The following NRP1 variants were observed in gnomAD, a reference collection of about 807,000 sequenced individuals.
The protein encoded by NRP1 is neuropilin-1.
In NRP1, 35 loss-of-function variants were observed where a neutral mutation model predicts 106.7. The ratio of observed to expected loss-of-function variants is 0.33; its 90% CI spans 0.25 to 0.43. The LOEUF (loss-of-function observed/expected upper bound fraction) is 0.43. Ranked by LOEUF, NRP1 falls within the 20% of genes least tolerant of loss-of-function variation. The pLI, the probability that NRP1 is intolerant of heterozygous loss-of-function variation, is 1.00. For synonymous variants in NRP1, 437 were observed against 417.9 expected, an observed-to-expected ratio of 1.05 and a Z score of -0.56; for missense variants, 1,024 against 1,170.4, an observed-to-expected ratio of 0.87 and a Z score of 1.83.
chr10:33,254,237 A>T (rs1334686101), intron 5 of NRP1, 43 bp from the exon 6 acceptor site: 2 of 1,518,828 alleles, frequency 1.3e-6, no homozygotes, highest in East Asian at 4.6e-5. Flanking sequence ...AATATAGGGG[A>T]TTTAAGATGC....
intron 16 of NRP1, among the ~76,000 whole-genome samples, chr10:33,181,137 T>C (rs1293835487): frequency 1.3e-5 from 2 of 152,206 alleles, no homozygotes; most frequent in Non-Finnish European, 2.9e-5. Flanking sequence ...ATTGTTAACA[T>C]GGGAGCTTTG....
At chr10:33,188,734 G>A (rs571569549) in intron 13 of NRP1, among the ~76,000 whole-genome samples, 41 of 151,216 alleles carry the variant, frequency 2.7e-4, no homozygotes, top group African/African-American at 1.0e-3. Flanking sequence ...AAAATTAGCC[G>A]GGCGTGGTGG....
intron 2 of NRP1, among the ~76,000 whole-genome samples, chr10:33,299,178 C>T (rs77740806): frequency 0.032 from 4,948 of 152,298 alleles, 132 homozygotes; most frequent in Non-Finnish European, 0.051. Context: ...AACGATGCTA[C>T]GCCTTTTCTA....
chr10:33,222,018 A>G (rs1839284087), intron 7 of NRP1, among the ~76,000 whole-genome samples, 155 bp from the exon 8 acceptor site: 1 of 152,256 alleles, frequency 6.6e-6, no homozygotes, highest in Non-Finnish European at 1.5e-5. Flanking sequence ...AATTTTTTCA[A>G]TTAGCAATCA....
intron 2 of NRP1, among the ~76,000 whole-genome samples, chr10:33,294,416 G>A (rs1425792090): frequency 2.6e-5 from 4 of 152,006 alleles, no homozygotes; most frequent in Admixed American, 6.6e-5. Context: ...TCGGGAGTTC[G>A]AGACCAGCCT....
intron 6 of NRP1, among the ~76,000 whole-genome samples, chr10:33,234,742 C>T (rs144774897): frequency 6.6e-6 from 1 of 152,262 alleles, no homozygotes; most frequent in Non-Finnish European, 1.5e-5. Flanking sequence ...TGAATTAATG[C>T]CTTTTTCCAT....
At chr10:33,263,902 G>C (rs1454521992) in intron 3 of NRP1, 29 bp from the exon 4 acceptor site, 2 of 1,424,614 alleles carry the variant, frequency 1.4e-6, no homozygotes, top group Non-Finnish European at 2.0e-6. Context: ...AAGGAGTAAA[G>C]TGAAAATCCC....
intron 16 of NRP1, among the ~76,000 whole-genome samples, chr10:33,181,063 A>T (rs1258851455): frequency 6.6e-6 from 1 of 152,220 alleles, no homozygotes; most frequent in Admixed American, 6.5e-5. Flanking sequence ...TTAACTGGAG[A>T]CAGTTGCACT....
chr10:33,317,963 G>A (rs1182951015), intron 2 of NRP1, among the ~76,000 whole-genome samples: 3 of 152,200 alleles, frequency 2.0e-5, no homozygotes, highest in South Asian at 4.1e-4. Flanking sequence ...GGATGCAGAC[G>A]TTACTGTTTA....
At chr10:33,319,531 G>A (rs1417038358) in intron 2 of NRP1, among the ~76,000 whole-genome samples, 2 of 150,374 alleles carry the variant, frequency 1.3e-5, no homozygotes, top group Non-Finnish European at 1.5e-5. Flanking sequence ...AATAAATCTT[G>A]CTGGTGCTCA....
At chr10:33,316,879 T>C (rs12259300) in intron 2 of NRP1, among the ~76,000 whole-genome samples, 1,845 of 152,344 alleles carry the variant, frequency 0.012, 39 homozygotes, top group African/African-American at 0.042. Flanking sequence ...GAAGTTATGC[T>C]GTCATGCTGA....
At chr10:33,192,253 C>T (rs1564366884) in intron 13 of NRP1, 28 bp downstream of exon 13, 1 of 1,598,082 alleles carries the variant, frequency 6.3e-7, no homozygotes, top group East Asian at 2.3e-5. Context: ...TCTGCAAAGC[C>T]ATGCAGCCGA....
intron 2 of NRP1, among the ~76,000 whole-genome samples, chr10:33,319,297 C>T (rs116604588): frequency 2.0e-5 from 3 of 152,012 alleles, no homozygotes; most frequent in East Asian, 2.0e-4. Context: ...TGAGTCACCG[C>T]GCCCAGAGGA....
At chr10:33,185,120 C>T (rs921053283) in intron 15 of NRP1, among the ~76,000 whole-genome samples, 3 of 152,156 alleles carry the variant, frequency 2.0e-5, no homozygotes, top group Non-Finnish European at 2.9e-5. Flanking sequence ...CATTGAAGTC[C>T]TTTAAGTCAT....
intron 4 of NRP1, among the ~76,000 whole-genome samples, chr10:33,257,584 C>T (rs903324483): frequency 6.6e-6 from 1 of 152,166 alleles, no homozygotes; most frequent in East Asian, 1.9e-4. Context: ...AGGATTGCAC[C>T]ACTGCACTCC....
At chr10:33,180,453 G>T in intron 16 of NRP1, 88 bp from the exon 17 acceptor site, 1 of 1,319,714 alleles carries the variant, frequency 7.6e-7, no homozygotes, top group Non-Finnish European at 1.0e-6. Flanking sequence ...CGAAACAGGA[G>T]CAAATCACAC....
At chr10:33,312,569 A>G (rs1158569032) in intron 2 of NRP1, among the ~76,000 whole-genome samples, 2 of 152,248 alleles carry the variant, frequency 1.3e-5, no homozygotes, top group African/African-American at 4.8e-5. Flanking sequence ...TTTGCTTCTG[A>G]AATAGAATAT....
intron 9 of NRP1, among the ~76,000 whole-genome samples, chr10:33,208,256 T>C (rs1205297265): frequency 6.6e-6 from 1 of 152,194 alleles, no homozygotes; most frequent in African/African-American, 2.4e-5. Flanking sequence ...TCTCATGATG[T>C]TGCCCAGGCT....
At chr10:33,311,944 C>T (rs1846633542) in intron 2 of NRP1, among the ~76,000 whole-genome samples, 1 of 152,090 alleles carries the variant, frequency 6.6e-6, no homozygotes, top group South Asian at 2.1e-4. Context: ...CAGTTCAAAT[C>T]CTTTTTTTCT....
Sources: allele counts gnomAD v4.1 joint callset (sites outside exome capture counted in the v4.1 genomes callset), GRCh38; gene constraint gnomAD v4.1.1; transcripts MANE v1.5; gene names NCBI Gene and HGNC (gene_info 2026-07-23, HGNC 2026-07-21).